The following TRIM32 variants were observed in gnomAD, a reference collection of about 807,000 sequenced individuals.
TRIM32 encodes tripartite motif containing 32, also known as E3 ubiquitin-protein ligase TRIM32.
Under a neutral mutation model 36.0 loss-of-function variants are expected in TRIM32, and 19 were observed. The ratio of observed to expected loss-of-function variants is 0.53; its 90% confidence interval spans 0.37 to 0.77. The LOEUF (loss-of-function observed/expected upper bound fraction) is 0.77. Among genes scored for constraint, TRIM32 ranks in the 30% least tolerant of loss-of-function variants. The pLI, the probability that TRIM32 is intolerant of heterozygous loss-of-function variation, is 0.00. For missense variants in TRIM32, 747 were observed against 845.2 expected (o/e 0.88, Z 1.44); for synonymous variants, 309 against 318.5 (o/e 0.97, Z 0.32).
Position 116,699,344 on chromosome 9 carries a change from C to T in TRIM32, c.1602C>T (p.Gly534=). Residue 534 remains glycine (G), a synonymous_variant, in exon 2 of 2, where the codon GGC becomes GGT. Transcript: ENST00000450136. The surrounding 1 kb of genome is among the most constrained non-coding windows in gnomAD (Gnocchi z 4.2). ...EGTVYFTQGL[G]LNLENRQNEH... ...CCGTCTACTTCACCCAGGGCTTAGG[C>T]CTCAATCTGGAGAATCGGCAGAATG... 1 of 1,614,190 alleles carries T rather than the reference C, an allele frequency of 6.2e-7. No homozygotes were observed. The highest frequency in any genetic ancestry group is 8.5e-7 in the Non-Finnish European group (1 of 1,180,040).
At chr9:116,696,520 CTTCT>C (rs1860861855) in intron 1 of TRIM32, among the ~76,000 whole-genome samples, 1 of 152,160 alleles carries the variant, frequency 6.6e-6, no homozygotes, top group African/African-American at 2.4e-5. Flanking sequence ...CTTTTGCCCA[CTTCT>C]TTCTTCCCTC....
Position 116,698,418 on chromosome 9 carries a change from T to C in TRIM32, c.676T>C (p.Tyr226His), listed in dbSNP as rs1336278747. The stretch of plus-strand genomic sequence containing the variant: ...TAGTCAAGTGGTAGAGGAGCAGAGT[T>C]ACCTGCTTAACATTGCAGAGGTGCA... ...SNSQVVEEQS[Y>H]LLNIAEVQAV... is the part of the protein sequence containing the mutation. The change falls in exon 2 of 2, where the codon TAC becomes CAC. Residue 226 changes from tyrosine (Y) to histidine (H), a missense_variant. By Grantham distance (83) the Tyr-to-His change is moderately conservative. Coordinates refer to ENST00000450136, the MANE Select transcript of TRIM32 (RefSeq NM_012210.4). The surrounding 1 kb of genome is among the most constrained non-coding windows in gnomAD (Gnocchi z 4.4). The C allele has an allele frequency of 6.2e-7, 1 of 1,613,978 alleles. No individual in the cohort carries two copies. Among genetic ancestry groups the C allele is most frequent in the East Asian group, 2.2e-5 (1 of 44,866 alleles).
intron 1 of TRIM32, chr9:116,697,450 A>G (rs1860920327): frequency 2.5e-6 from 1 of 400,324 alleles, no homozygotes; most frequent in South Asian, 2.5e-5. Flanking sequence ...GTCTGAGACT[A>G]CAGAATCTGA....
chr9:116,688,318 C>CTA (rs1860379976), intron 1 of TRIM32, among the ~76,000 whole-genome samples: 1 of 151,982 alleles, frequency 6.6e-6, no homozygotes, highest in Non-Finnish European at 1.5e-5. Flanking sequence ...CCTAACTGGG[C>CTA]TATAAAATCA....
Position 116,699,172 on chromosome 9 carries a change from C to A in TRIM32, c.1430C>A (p.Ala477Asp). ...CTGAGCAAACCATGGGGTATCACAG[C>A]CTTGCCATCTGGCCAGTTTGTAGTA... ...SQLSKPWGIT[A>D]LPSGQFVVTD... is the part of the protein sequence containing the mutation. The change falls in exon 2 of 2, where the codon GCC becomes GAC. Residue 477 changes from alanine (A) to aspartate (D), a missense_variant. Coordinates refer to ENST00000450136, the MANE Select transcript of TRIM32 (RefSeq NM_012210.4). This position sits in a 1 kb window ranked among gnomAD's most constrained non-coding sequence, Gnocchi z 4.2. 6.2e-7 allele frequency: 1 copy of A among 1,614,248 alleles called. No homozygotes were observed. Among genetic ancestry groups the A allele is most frequent in the Non-Finnish European group, 8.5e-7 (1 of 1,180,048 alleles).
At chr9:116,696,763 G>C (rs1860875818) in intron 1 of TRIM32, among the ~76,000 whole-genome samples, 1 of 152,002 alleles carries the variant, frequency 6.6e-6, no homozygotes, top group South Asian at 2.1e-4. Flanking sequence ...CTTGTATCTA[G>C]TACAGAACAA....
At chr9:116,694,254 T>C (rs894455321) in intron 1 of TRIM32, among the ~76,000 whole-genome samples, 5 of 152,148 alleles carry the variant, frequency 3.3e-5, no homozygotes, top group Non-Finnish European at 7.3e-5. Flanking sequence ...TTGCTGCTAT[T>C]TTTACAAGTT....
In TRIM32 at chr9:116,699,255, G is replaced by A; in HGVS notation, c.1513G>A (p.Val505Ile). 6.2e-7 allele frequency: 1 copy of A among 1,614,220 alleles called. No homozygotes were observed. Among genetic ancestry groups the A allele is most frequent in the Non-Finnish European group, 8.5e-7 (1 of 1,180,052 alleles). Reference sequence around the variant, plus strand: ...CACAGTTGATCGAGGATCAGGGGTGGTCAAATACAGCTGCCTATGTAGTGC... The same window carrying A: ...CACAGTTGATCGAGGATCAGGGGTGATCAAATACAGCTGCCTATGTAGTGC... ...CFTVDRGSGV[V>I]KYSCLCSAVR... is the part of the protein sequence containing the mutation. The change falls in exon 2 of 2, where the codon GTC becomes ATC. Residue 505 changes from valine to isoleucine, a missense_variant. Coordinates refer to ENST00000450136, the MANE Select transcript of TRIM32 (RefSeq NM_012210.4). This position sits in a 1 kb window ranked among gnomAD's most constrained non-coding sequence, Gnocchi z 4.2.
chr9:116,693,408 G>A (rs1860673419), intron 1 of TRIM32, among the ~76,000 whole-genome samples: 1 of 152,196 alleles, frequency 6.6e-6, no homozygotes, highest in Non-Finnish European at 1.5e-5. Flanking sequence ...GGAAAACCCA[G>A]TGGTGCTAGA....
At chr9:116,691,518 T>C (rs577555648) in intron 1 of TRIM32, among the ~76,000 whole-genome samples, 25 of 152,360 alleles carry the variant, frequency 1.6e-4, no homozygotes, top group African/African-American at 5.3e-4. Context: ...AGTTTAGCTA[T>C]GTTTAACTTA....
At chr9:116,690,844 C>A (rs1402846894) in intron 1 of TRIM32, among the ~76,000 whole-genome samples, 1 of 152,138 alleles carries the variant, frequency 6.6e-6, no homozygotes, top group Non-Finnish European at 1.5e-5. Context: ...AAATGCCTGA[C>A]AATAAATAGT....
intron 1 of TRIM32, among the ~76,000 whole-genome samples, chr9:116,696,696 T>C (rs1044686898): frequency 6.6e-6 from 1 of 152,196 alleles, no homozygotes; most frequent in Non-Finnish European, 1.5e-5. Flanking sequence ...TACCTACATG[T>C]CTTGTCTTTT....
At position 116,698,336 on chromosome 9, in the gene TRIM32, G is replaced by C. The variant is rs769607026; in HGVS notation, c.594G>C (p.Glu198Asp). The C allele has an allele frequency of 1.2e-6, 2 of 1,614,160 alleles. No homozygotes were observed. The highest frequency in any genetic ancestry group is 1.7e-6 in the Non-Finnish European group (2 of 1,180,052). Reference sequence around the variant, plus strand: ...ATGAGGAGCGCAGGGTCCAGGATGAGCTGGCTCGCTCTCGGAAGTTCTTCA... The same window carrying C: ...ATGAGGAGCGCAGGGTCCAGGATGACCTGGCTCGCTCTCGGAAGTTCTTCA... The part of the protein sequence containing the change: ...YGHEERRVQD[E>D]LARSRKFFTG... Residue 198 changes from glutamate to aspartate, a missense_variant, in exon 2 of 2, where the codon GAG (glutamate) becomes GAC (aspartate). Transcript: ENST00000450136. This position sits in a 1 kb window ranked among gnomAD's most constrained non-coding sequence, Gnocchi z 4.4.
At chr9:116,694,682 A>T (rs1860753745) in intron 1 of TRIM32, among the ~76,000 whole-genome samples, 1 of 147,234 alleles carries the variant, frequency 6.8e-6, no homozygotes, top group South Asian at 2.2e-4. Flanking sequence ...CGTCTTAGCC[A>T]GGATGGTCTC....
rs1455648306 is a variant in TRIM32, at chr9:116,701,007, T to C, written c.*1303T>C. ...TATTCTGAGCTTCTGCTGTATGTTT[T>C]ATGTTTATAATTACAGTTCACAAAA... On this transcript the variant is annotated 3_prime_UTR_variant, in exon 2 of 2. Coordinates refer to ENST00000450136, the MANE Select transcript of TRIM32 (RefSeq NM_012210.4). 1 of 167,128 alleles carries C rather than the reference T, an allele frequency of 6.0e-6. No individual in the cohort carries two copies. Among genetic ancestry groups the C allele is most frequent in the Non-Finnish European group, 1.5e-5 (1 of 68,130 alleles). The allele number at this position is 167,128 out of a possible 1,614,324, so 10.4% of individuals were successfully genotyped here.
chr9:116,689,480 G>C (rs1040622583), intron 1 of TRIM32, among the ~76,000 whole-genome samples: 4 of 152,108 alleles, frequency 2.6e-5, no homozygotes, highest in Non-Finnish European at 5.9e-5. Flanking sequence ...AGGCTCTACT[G>C]TATTCAGTTT....
intron 1 of TRIM32, 132 bp from the exon 2 acceptor site, chr9:116,697,530 A>G (rs1394563048): frequency 1.6e-6 from 1 of 614,846 alleles, no homozygotes; most frequent in Non-Finnish European, 2.8e-6. Context: ...GACATATAAT[A>G]GACCTCAATA....
chr9:116,695,528 AAG>A (rs1588211581), intron 1 of TRIM32, among the ~76,000 whole-genome samples: 1 of 152,236 alleles, frequency 6.6e-6, no homozygotes, highest in Non-Finnish European at 1.5e-5. Flanking sequence ...TGCCTGGAGA[AAG>A]AGTTGATGTC....
At chr9:116,693,617 G>A (rs990627649) in intron 1 of TRIM32, among the ~76,000 whole-genome samples, 4 of 152,086 alleles carry the variant, frequency 2.6e-5, no homozygotes, top group African/African-American at 9.7e-5. Flanking sequence ...GAGGTGGGAG[G>A]TCAAGAATTA....
Sources: gnomAD v4.1 joint callset for allele counts (sites outside exome capture counted in the v4.1 genomes callset) on GRCh38, gnomAD v4.1.1 for gene constraint, Gnocchi (gnomAD v3.1) non-coding constraint, MANE v1.5 for transcripts, NCBI Gene and HGNC (gene_info 2026-07-23, HGNC 2026-07-21) for gene names.